The following ZNF133 variants were observed in gnomAD, a reference collection of about 807,000 sequenced individuals.
ZNF133 encodes the protein zinc finger protein 133 (clone pHZ-13).
ZNF133 carries 26 observed loss-of-function variants against 54.9 expected under a neutral mutation model. That is an observed-to-expected ratio of 0.47 (90% CI 0.35 to 0.66). The LOEUF (loss-of-function observed/expected upper bound fraction) is 0.66, where lower values mean the gene tolerates loss of function less well. ZNF133 is among the 30% of genes least tolerant of loss of function. The probability of loss-of-function intolerance (pLI) is 0.01; values close to 1 mark genes in which losing one functional copy is unlikely to be tolerated. For synonymous variants in ZNF133, 298 were observed against 320.3 expected, an observed-to-expected ratio of 0.93 and a Z score of 0.74; for missense variants, 653 against 820.8, an observed-to-expected ratio of 0.80 and a Z score of 2.50.
At chr20:18,313,713 A>G (rs1224675690) in intron 6 of ZNF133, 2 of 152,254 alleles carry the variant, frequency 1.3e-5, no homozygotes, top group African/African-American at 2.4e-5. Flanking sequence ...ATCAGTTATG[A>G]GTTGTGGAAC....
chr20:18,290,521 T>C (rs1182692010), intron 1 of ZNF133, among the ~76,000 whole-genome samples: 1 of 152,238 alleles, frequency 6.6e-6, no homozygotes, highest in Non-Finnish European at 1.5e-5. Context: ...TACAGTTACA[T>C]TGTTACAATT....
intron 1 of ZNF133, 31 bp downstream of exon 1, chr20:18,288,635 C>T (rs369786380): frequency 3.5e-5 from 14 of 398,470 alleles, no homozygotes; most frequent in East Asian, 1.8e-4. Context: ...ACCCTTGCCG[C>T]AGCCGTACCC....
intron 6 of ZNF133, chr20:18,314,303 C>T (rs1284716881): frequency 6.6e-6 from 1 of 152,124 alleles, no homozygotes; most frequent in Non-Finnish European, 1.5e-5. Context: ...ACAATATACT[C>T]AATGTTGACA....
rs370327178 is a variant in ZNF133 at position 18,316,486 on chromosome 20, G to T, written c.1635G>T (p.Ser545=). 183 of 1,613,964 alleles carry T rather than the reference G, an allele frequency of 1.1e-4. No individual in the cohort carries two copies. The highest frequency in any genetic ancestry group is 1.5e-4 in the Non-Finnish European group (176 of 1,180,030). The change falls in exon 7 of 7, where the codon TCG becomes TCT. Residue 545 remains serine, a synonymous_variant. Transcript: ENST00000425686. ...TCATCAGGCACAAGCGGAAGCACTCGAGGGAGAAGCCCTACATGTGCAGGC... is the reference window on the plus strand; with the variant it reads ...TCATCAGGCACAAGCGGAAGCACTCTAGGGAGAAGCCCTACATGTGCAGGC... ...AGLIRHKRKH[S]REKPYMCRQC...
chr20:18,308,577 G>A (rs1228084592), intron 6 of ZNF133, among the ~76,000 whole-genome samples: 1 of 152,086 alleles, frequency 6.6e-6, no homozygotes, highest in East Asian at 1.9e-4. Context: ...ATGAGCTATT[G>A]TTTCCTTTAA....
Position 18,298,335 on chromosome 20 carries a change from G to C in ZNF133, c.-307G>C, listed in dbSNP as rs2042651446. The C allele has an allele frequency of 7.8e-7, 1 of 1,289,778 alleles. No homozygotes were observed. 79.9% of individuals were successfully genotyped at this position (1,289,778 alleles called of 1,614,324 possible). A position where few individuals can be genotyped will look rare whatever the true frequency, so the allele number is the denominator to read the frequency against. ...AGAGTAACGTCACAGTAATGGAACGGGAAGATTCTGGAATCTGTGTCCCCA... is the reference window on the plus strand; with the variant it reads ...AGAGTAACGTCACAGTAATGGAACGCGAAGATTCTGGAATCTGTGTCCCCA... On this transcript the variant is annotated 5_prime_UTR_variant, in exon 3 of 7. Coordinates refer to ENST00000425686, the MANE Select transcript of ZNF133 (RefSeq NM_001352452.2).
Position 18,306,146 on chromosome 20 carries a change from A to T in ZNF133, c.122-152A>T, listed in dbSNP as rs562881513. On this transcript the variant is annotated intron_variant, in intron 5 of 6. Coordinates refer to ENST00000425686, the MANE Select transcript of ZNF133 (RefSeq NM_001352452.2). ...GTACTCTCATCTGAGTTCACTGCCC[A>T]CTCATCCCTTCCATTTCTGAGAGCC... 1.8e-5 allele frequency: 12 copies of T among 679,648 alleles called. No individual in the cohort carries two copies. The East Asian group carries it at 2.7e-4, about 15-fold the overall frequency. The allele number at this position is 679,648 out of a possible 1,614,324, so 42.1% of individuals were successfully genotyped here. A position where few individuals can be genotyped will look rare whatever the true frequency, so the allele number is the denominator to read the frequency against.
chr20:18,290,214 T>A (rs2040636536), intron 1 of ZNF133: 2 of 152,272 alleles, frequency 1.3e-5, no homozygotes, highest in South Asian at 4.2e-4. Flanking sequence ...GTTTTAAGAG[T>A]GATCATTTTC....
intron 6 of ZNF133, chr20:18,314,333 T>C (rs1374556101): frequency 1.3e-5 from 2 of 152,214 alleles, no homozygotes; most frequent in African/African-American, 2.4e-5. Context: ...CAAGAGGCAC[T>C]ATAAGTAGAA....
chr20:18,316,607 G>T lies in ZNF133; in HGVS notation c.1756G>T (p.Gly586Cys). ...KPCVCRECGQGFLQKSHLTLH... is the reference protein window; with the variant it reads ...KPCVCRECGQCFLQKSHLTLH... The stretch of plus-strand genomic sequence containing the variant: ...TTGTGTGTGCAGAGAGTGTGGCCAA[G>T]GCTTTCTCCAAAAGTCACACCTCAC... Residue 586 changes from glycine to cysteine, a missense_variant, in exon 7 of 7, where the codon GGC becomes TGC. Gly to Cys is a radical substitution (Grantham distance 159). This residue lies in a region of ZNF133 where 129 missense variants were observed against 138.5 expected (regional missense o/e 0.93). Coordinates refer to ENST00000425686, the MANE Select transcript of ZNF133 (RefSeq NM_001352452.2). The T allele has an allele frequency of 6.2e-7, 1 of 1,614,024 alleles. No homozygotes were observed. The highest frequency in any genetic ancestry group is 8.5e-7 in the Non-Finnish European group (1 of 1,180,002).
chr20:18,311,586 C>T (rs2045977363), intron 6 of ZNF133, among the ~76,000 whole-genome samples: 1 of 152,016 alleles, frequency 6.6e-6, no homozygotes, highest in African/African-American at 2.4e-5. Flanking sequence ...AAGTTTCAGT[C>T]TCAAATAATT....
chr20:18,310,382 C>A, intron 6 of ZNF133: 2 of 1,404,234 alleles, frequency 1.4e-6, no homozygotes, highest in African/African-American at 1.5e-5. Flanking sequence ...TCAGAATCCT[C>A]AAAATAGGCT....
In ZNF133 at chr20:18,316,770, C is replaced by G; in HGVS notation, c.1919C>G (p.Pro640Arg). The change falls in exon 7 of 7, where the codon CCT (proline) becomes CGT (arginine). Residue 640 changes from proline (P) to arginine (R), a missense_variant. By Grantham distance (103) the Pro-to-Arg change is moderately radical. Around this residue, in one of 4 missense-constraint regions of ZNF133, gnomAD observed 129 missense variants for 138.5 expected, o/e 0.93. Transcript: ENST00000425686. ...CACAGACTGCCAGTGCAGCCCGACCCTGAGCCGTGTGCAGGGCAACCTTCG... is the reference window on the plus strand; with the variant it reads ...CACAGACTGCCAGTGCAGCCCGACCGTGAGCCGTGTGCAGGGCAACCTTCG... ...VHHRLPVQPDPEPCAGQPSDS... is the reference protein window; with the variant it reads ...VHHRLPVQPDREPCAGQPSDS... 1 of 1,614,066 alleles carries G rather than the reference C, an allele frequency of 6.2e-7. No homozygotes were observed. The highest frequency in any genetic ancestry group is 1.1e-5 in the South Asian group (1 of 91,074).
intron 2 of ZNF133, 97 bp from the exon 3 acceptor site, chr20:18,298,192 T>C: frequency 6.6e-7 from 1 of 1,514,172 alleles, no homozygotes; most frequent in Non-Finnish European, 8.8e-7. Context: ...TGCCTCAGCA[T>C]CACTTTCTGC....
Position 18,316,563 on chromosome 20 carries a change from C to T in ZNF133, c.1712C>T (p.Ala571Val), listed in dbSNP as rs758839542. ...NKSALITHKR[A>V]HSEEKPCVCR... ...TCAGCTCTAATTACACACAAGCGGG[C>T]TCACTCGGAAGAGAAGCCTTGTGTG... The change falls in exon 7 of 7, where the codon GCT becomes GTT. Residue 571 changes from alanine (A) to valine (V), a missense_variant. By Grantham distance (64) the Ala-to-Val change is moderately conservative. This residue lies in a region of ZNF133 where 129 missense variants were observed against 138.5 expected (regional missense o/e 0.93). Transcript: ENST00000425686. 3 of 1,614,098 alleles carry T rather than the reference C, an allele frequency of 1.9e-6. No homozygotes were observed. The highest frequency in any genetic ancestry group is 2.5e-6 in the Non-Finnish European group (3 of 1,179,966).
At chr20:18,300,328 AT>A (rs1219419547) in intron 3 of ZNF133, among the ~76,000 whole-genome samples, 10 of 152,180 alleles carry the variant, frequency 6.6e-5, no homozygotes, top group African/African-American at 2.2e-4. Flanking sequence ...TATCTGTAGG[AT>A]GTAGAGAAAA....
At chr20:18,295,820 T>A (rs1279142504) in intron 1 of ZNF133, among the ~76,000 whole-genome samples, 2 of 152,050 alleles carry the variant, frequency 1.3e-5, no homozygotes, top group East Asian at 1.9e-4. Context: ...ATGCACCAAA[T>A]CTGGCTATTT....
chr20:18,298,919 G>T (rs2042782626), intron 3 of ZNF133, among the ~76,000 whole-genome samples: 1 of 152,066 alleles, frequency 6.6e-6, no homozygotes, highest in Admixed American at 6.6e-5. Flanking sequence ...TACACCTCAG[G>T]CTGATTCTTA....
At chr20:18,306,422 A>G in intron 6 of ZNF133, 29 bp downstream of exon 6, 1 of 1,601,516 alleles carries the variant, frequency 6.2e-7, no homozygotes, top group South Asian at 1.1e-5. Context: ...GACAAATGAG[A>G]CATGAGCTCA....
Sources: allele counts gnomAD v4.1 joint callset (sites outside exome capture counted in the v4.1 genomes callset), GRCh38; gene constraint gnomAD v4.1.1; regional missense constraint gnomAD v4.1.1; transcripts MANE v1.5; gene names NCBI Gene and HGNC (gene_info 2026-07-23, HGNC 2026-07-21).